The following ZKSCAN3 variants were observed in gnomAD, a reference collection of about 807,000 sequenced individuals.
ZKSCAN3 encodes zinc finger with KRAB and SCAN domains 3.
A neutral mutation model predicts 30.7 loss-of-function variants in ZKSCAN3; 21 were observed. The observed-to-expected ratio is 0.68, with a 90% CI of 0.49 to 0.99. The LOEUF (loss-of-function observed/expected upper bound fraction) is 0.99. Ranked by LOEUF, ZKSCAN3 falls within the 50% of genes least tolerant of loss-of-function variation. The pLI is 0.00. For missense variants in ZKSCAN3, 507 were observed against 647.1 expected, an observed-to-expected ratio of 0.78 and a Z score of 2.35; for synonymous variants, 201 against 246.7, an observed-to-expected ratio of 0.81 and a Z score of 1.73.
intron 1 of ZKSCAN3, among the ~76,000 whole-genome samples, chr6:28,354,454 G>T (rs963638166): frequency 1.9e-4 from 29 of 152,090 alleles, no homozygotes; most frequent in Non-Finnish European, 4.4e-5. Flanking sequence ...CAATATATAG[G>T]TTTGGCACAC....
chr6:28,363,256 G>A, intron 3 of ZKSCAN3, 47 bp from the exon 4 acceptor site: 1 of 1,530,412 alleles, frequency 6.5e-7, no homozygotes, highest in Non-Finnish European at 9.0e-7. Flanking sequence ...AGGGCAGGGA[G>A]GCTGAATGCC....
chr6:28,365,883 G>A lies in ZKSCAN3; in HGVS notation c.1215G>A (p.Lys405=), dbSNP rs1158787143. ...CCTATGAGTGTGATGACTGTGGGAA[G>A]ACCTTCAGCCAGAGCTGCAGCCTCC... is the stretch of plus-strand genomic sequence containing the variant. ...EKPYECDDCG[K]TFSQSCSLLE... Residue 405 remains lysine (K), a synonymous_variant, in exon 6 of 6, where the codon AAG becomes AAA. Transcript: ENST00000252211. The A allele has an allele frequency of 1.9e-6, 3 of 1,613,398 alleles. No homozygotes were observed. Among genetic ancestry groups the A allele is most frequent in the South Asian group, 2.2e-5 (2 of 90,964 alleles).
intron 1 of ZKSCAN3, among the ~76,000 whole-genome samples, chr6:28,352,835 T>G (rs922381162): frequency 2.6e-5 from 4 of 152,190 alleles, no homozygotes; most frequent in African/African-American, 9.6e-5. Flanking sequence ...CTAATTTCCT[T>G]CTATTCCCTA....
chr6:28,363,664 T>C (rs1765851134), intron 4 of ZKSCAN3, 28 bp from the exon 5 acceptor site: 1 of 1,613,766 alleles, frequency 6.2e-7, no homozygotes, highest in African/African-American at 1.3e-5. Context: ...GTCAGCCCCT[T>C]CTTCAATGGG....
intron 1 of ZKSCAN3, chr6:28,353,868 C>T (rs766809383): frequency 2.2e-6 from 1 of 456,886 alleles, no homozygotes; most frequent in Non-Finnish European, 4.4e-6. Context: ...TTACCACTGT[C>T]ATGCCAAGTG....
chr6:28,353,977 T>C, intron 1 of ZKSCAN3: 1 of 454,696 alleles, frequency 2.2e-6, no homozygotes, highest in South Asian at 1.6e-5. Flanking sequence ...AATATGATTT[T>C]ATTCAGCAGC....
chr6:28,363,351 A>G lies in ZKSCAN3; in HGVS notation c.599A>G (p.Lys200Arg). 1 of 1,613,164 alleles carries G rather than the reference A, an allele frequency of 6.2e-7. No individual in the cohort carries two copies. Residue 200 changes from lysine (K) to arginine (R), a missense_variant, in exon 4 of 6, where the codon AAA (lysine) becomes AGA (arginine). Physicochemically the swap from Lys to Arg is conservative, Grantham distance 26 (BLOSUM62 2). Transcript: ENST00000252211. ...LAHGGCCRED[K>R]VVASRLTPES... ...CATGGAGGATGCTGCAGAGAAGATA[A>G]AGTGGTAGCTTCTAGGCTTACTCCA...
chr6:28,368,068 C>T lies in ZKSCAN3; in HGVS notation c.*1783C>T, dbSNP rs561200131. On this transcript the variant is annotated 3_prime_UTR_variant, in exon 6 of 6. Transcript: ENST00000252211. ...CAACAGGCCCCAGTGTGTGATGTTC[C>T]CCTTCCTGTGTCCAAGTGTTCTCCT... 1.3e-3 allele frequency: 191 copies of T among 143,276 alleles called. 1 individual carries two copies. The highest frequency in any genetic ancestry group is 4.7e-3 in the African/African-American group (181 of 38,462). 8.9% of individuals were successfully genotyped at this position (143,276 alleles called of 1,614,324 possible).
At chr6:28,360,775 A>T in intron 2 of ZKSCAN3, 1 of 985,066 alleles carries the variant, frequency 1.0e-6, no homozygotes, top group Non-Finnish European at 1.2e-6. Flanking sequence ...TTCATTCTTT[A>T]TAAAGGATGT....
At chr6:28,364,307 C>T (rs1267543097) in intron 5 of ZKSCAN3, among the ~76,000 whole-genome samples, 1 of 152,164 alleles carries the variant, frequency 6.6e-6, no homozygotes, top group Non-Finnish European at 1.5e-5. Context: ...ACCTTGCTTT[C>T]TCCTCTCCGT....
At chr6:28,359,130 ATC>A (rs1363380811) in intron 1 of ZKSCAN3, among the ~76,000 whole-genome samples, 1 of 152,050 alleles carries the variant, frequency 6.6e-6, no homozygotes, top group Non-Finnish European at 1.5e-5. Flanking sequence ...TGGACTTGCT[ATC>A]TCATATTGAA....
intron 1 of ZKSCAN3, chr6:28,354,135 G>C (rs960379563): frequency 3.9e-5 from 14 of 360,638 alleles, no homozygotes; most frequent in African/African-American, 3.0e-4. Context: ...GCTCACCTCT[G>C]TCTGTCTGCA....
chr6:28,357,651 T>A (rs1245417819), intron 1 of ZKSCAN3, among the ~76,000 whole-genome samples: 1 of 152,086 alleles, frequency 6.6e-6, no homozygotes, highest in African/African-American at 2.4e-5. Flanking sequence ...GAAGGCTTAG[T>A]GGGAGGTGAG....
At chr6:28,363,936 G>C in intron 5 of ZKSCAN3, 121 bp downstream of exon 5, 2 of 1,336,332 alleles carry the variant, frequency 1.5e-6, no homozygotes, top group Non-Finnish European at 2.0e-6. Flanking sequence ...CACCATTTCT[G>C]AAAGCCTGTA....
Position 28,366,505 on chromosome 6 carries a change from G to A in ZKSCAN3, c.*220G>A, listed in dbSNP as rs1287758935. On this transcript the variant is annotated 3_prime_UTR_variant, in exon 6 of 6. Coordinates refer to ENST00000252211, the MANE Select transcript of ZKSCAN3 (RefSeq NM_024493.4). ...TAGGAGGCTACGGGAGAGTTGTCTA[G>A]AAGAGGTAAGACCTGAAACTGTTTG... 4.9e-6 allele frequency: 2 copies of A among 410,576 alleles called. No homozygotes were observed. Among genetic ancestry groups the A allele is most frequent in the Non-Finnish European group, 8.4e-6 (2 of 238,994 alleles). The allele number at this position is 410,576 out of a possible 1,614,324, so 25.4% of individuals were successfully genotyped here. A position where few individuals can be genotyped will look rare whatever the true frequency, so the allele number is the denominator to read the frequency against.
chr6:28,361,411 C>T lies in ZKSCAN3; in HGVS notation c.490C>T (p.Gln164Ter), dbSNP rs757249339. The T allele has an allele frequency of 1.2e-6, 2 of 1,614,008 alleles. No homozygotes were observed. Among genetic ancestry groups the T allele is most frequent in the South Asian group, 2.2e-5 (2 of 91,038 alleles). The stretch of plus-strand genomic sequence containing the variant: ...CCCAGGGTCACAAAGTAGCCAATTT[C>T]AGCTAATGAAGGCTCTGCTCAAGCA... ...PAPGSQSSQF[Q>*]LMKALLKHES... The change falls in exon 3 of 6, where the codon CAG (glutamine) becomes TAG (stop). Residue 164 changes from glutamine (Q) to a stop codon, truncating the protein, a stop_gained. Transcript: ENST00000252211. LOFTEE classifies it high-confidence loss of function.
chr6:28,356,625 G>A (rs1435053811), intron 1 of ZKSCAN3, among the ~76,000 whole-genome samples: 1 of 152,236 alleles, frequency 6.6e-6, no homozygotes, highest in Non-Finnish European at 1.5e-5. Context: ...TGTAATGGAG[G>A]TTCGTCCTCC....
intron 1 of ZKSCAN3, among the ~76,000 whole-genome samples, chr6:28,358,585 A>T (rs982278257): frequency 6.6e-6 from 1 of 152,114 alleles, no homozygotes; most frequent in Non-Finnish European, 1.5e-5. Flanking sequence ...CCTCAAATTT[A>T]TCAGCTTAAA....
chr6:28,359,787 C>G lies in ZKSCAN3; in HGVS notation c.201C>G (p.Leu67=). ...GCCCCCGCGAGGCGCTGAGTCGGCT[C>G]CGAGAGCTCTGCCGACAGTGGCTGC... is the stretch of plus-strand genomic sequence containing the variant. ...AAGPREALSR[L]RELCRQWLQP... is the part of the protein sequence containing the mutation. Residue 67 remains leucine (L), a synonymous_variant, in exon 2 of 6, where the codon CTC becomes CTG. Transcript: ENST00000252211. 1 of 1,614,222 alleles carries G rather than the reference C, an allele frequency of 6.2e-7. No individual in the cohort carries two copies. The highest frequency in any genetic ancestry group is 8.5e-7 in the Non-Finnish European group (1 of 1,180,052).
Sources: gnomAD v4.1 joint callset for allele counts (sites outside exome capture counted in the v4.1 genomes callset) on GRCh38, gnomAD v4.1.1 for gene constraint, MANE v1.5 for transcripts, NCBI Gene and HGNC (gene_info 2026-07-23, HGNC 2026-07-21) for gene names.